Variants in PRORP observed in about 807,000 individuals in gnomAD.
The protein encoded by PRORP is mitochondrial ribonuclease P catalytic subunit.
Under a neutral mutation model 59.4 loss-of-function variants are expected in PRORP, and 51 were observed. The observed-to-expected ratio is 0.86, with a 90% CI of 0.69 to 1.08. PRORP has a LOEUF of 1.08. Among genes scored for constraint, PRORP ranks in the 50% least tolerant of loss-of-function variants. The probability of loss-of-function intolerance (pLI) is 0.00; values close to 1 mark genes in which losing one functional copy is unlikely to be tolerated. For missense variants in PRORP, 646 were observed against 690.3 expected (o/e 0.94, Z 0.72); for synonymous variants, 231 against 245.6 (o/e 0.94, Z 0.55).
chr14:35,156,681 A>G (rs1472013824), intron 4 of PRORP, among the ~76,000 whole-genome samples: 1 of 152,246 alleles, frequency 6.6e-6, no homozygotes, highest in Non-Finnish European at 1.5e-5. Flanking sequence ...TTCATGCAGT[A>G]TAAATGCTTA....
intron 4 of PRORP, among the ~76,000 whole-genome samples, chr14:35,135,997 A>G (rs970372767): frequency 2.6e-5 from 4 of 151,602 alleles, no homozygotes; most frequent in Non-Finnish European, 5.9e-5. Context: ...AAAGTATGAT[A>G]TGTATATTTT....
intron 4 of PRORP, among the ~76,000 whole-genome samples, chr14:35,164,921 C>A (rs1218430857): frequency 6.6e-6 from 1 of 151,996 alleles, no homozygotes; most frequent in Non-Finnish European, 1.5e-5. Context: ...AGTAGGATTT[C>A]CCAGCCAAAA....
intron 4 of PRORP, among the ~76,000 whole-genome samples, chr14:35,161,188 G>C (rs1051393410): frequency 2.0e-5 from 3 of 152,064 alleles, no homozygotes; most frequent in African/African-American, 4.8e-5. Flanking sequence ...TAAAACTTGT[G>C]GTATTATTAT....
Position 35,228,759 on chromosome 14 carries a change from G to A in PRORP, c.1276-37968G>A, listed in dbSNP as rs551653395. 8.5e-5 allele frequency among the ~76,000 whole-genome samples: 13 copies of A among 152,230 alleles called. No individual in the cohort carries two copies. The South Asian group carries it at 2.5e-3, about 29-fold the overall frequency. On this transcript the variant is annotated intron_variant, in intron 5 of 7. Transcript: ENST00000534898. Reference sequence around the variant, plus strand: ...TCTCTGCTATTGTGAATAATGTTGCGATGAACATATGAGTGCATGTGTCTT... The same window carrying A: ...TCTCTGCTATTGTGAATAATGTTGCAATGAACATATGAGTGCATGTGTCTT...
chr14:35,135,766 T>C (rs554625140), intron 4 of PRORP, among the ~76,000 whole-genome samples: 3 of 152,154 alleles, frequency 2.0e-5, no homozygotes, highest in Non-Finnish European at 4.4e-5. Flanking sequence ...GAGACCAGCC[T>C]GGGCAATATG....
intron 5 of PRORP, among the ~76,000 whole-genome samples, chr14:35,224,443 C>T (rs767424717): frequency 3.3e-5 from 5 of 152,112 alleles, no homozygotes; most frequent in Admixed American, 6.6e-5. Context: ...GGAACTACTA[C>T]CAGTTCCCAT....
At chr14:35,176,694 C>G (rs2048460158) in intron 4 of PRORP, among the ~76,000 whole-genome samples, 1 of 152,122 alleles carries the variant, frequency 6.6e-6, no homozygotes. Flanking sequence ...CAAACAGGGA[C>G]AATTTGACTT....
chr14:35,157,083 A>G (rs1248768710), intron 4 of PRORP, among the ~76,000 whole-genome samples: 246 of 151,274 alleles, frequency 1.6e-3, no homozygotes, highest in Non-Finnish European at 3.1e-3. Context: ...AGCCTACCAA[A>G]TAGCTGGGAC....
rs2046978196 is a variant in PRORP at position 35,123,120 on chromosome 14, AAC to A, written c.-122_-121del. 1.0e-6 allele frequency: 1 copy of A among 978,670 alleles called. No individual in the cohort carries two copies. Among genetic ancestry groups the A allele is most frequent in the Non-Finnish European group, 1.5e-6 (1 of 667,392 alleles). 60.6% of individuals were successfully genotyped at this position (978,670 alleles called of 1,614,324 possible). ...AACCTTGATTTGTCTGTAAGGAAGAAACACAAACCTTTTAAAAAGTTCCACTT... is the reference window on the plus strand; with the variant it reads ...AACCTTGATTTGTCTGTAAGGAAGAAACAAACCTTTTAAAAAGTTCCACTT... On this transcript the variant is annotated 5_prime_UTR_variant, in exon 2 of 8. Transcript: ENST00000534898.
intron 5 of PRORP, among the ~76,000 whole-genome samples, chr14:35,264,522 T>C (rs2050990623): frequency 6.6e-6 from 1 of 151,996 alleles, no homozygotes; most frequent in Admixed American, 6.6e-5. Flanking sequence ...CCTCCCACAG[T>C]GCCGAAGTTA....
At chr14:35,202,325 A>G (rs2049177072) in intron 5 of PRORP, among the ~76,000 whole-genome samples, 1 of 152,180 alleles carries the variant, frequency 6.6e-6, no homozygotes, top group Admixed American at 6.5e-5. Flanking sequence ...TCTTTGAAAG[A>G]AAAATGCTGT....
intron 4 of PRORP, among the ~76,000 whole-genome samples, chr14:35,146,791 G>A (rs1420758710): frequency 2.0e-5 from 3 of 152,088 alleles, no homozygotes; most frequent in Non-Finnish European, 2.9e-5. Context: ...TACCCAGGTC[G>A]TATAAAAGTT....
At chr14:35,161,978 C>G (rs10146115) in intron 4 of PRORP, among the ~76,000 whole-genome samples, 61,019 of 151,864 alleles carry the variant, frequency 0.4, 12,745 homozygotes, top group East Asian at 0.68. Flanking sequence ...AGTCCTTCAT[C>G]TAGTTGATAG....
At chr14:35,197,773 T>A (rs1163506293) in intron 5 of PRORP, among the ~76,000 whole-genome samples, 1 of 152,196 alleles carries the variant, frequency 6.6e-6, no homozygotes, top group East Asian at 1.9e-4. Context: ...GGTTATAATA[T>A]ATGTGATACA....
chr14:35,256,605 C>T (rs1194370107), intron 5 of PRORP, among the ~76,000 whole-genome samples: 2 of 151,980 alleles, frequency 1.3e-5, no homozygotes, highest in East Asian at 3.9e-4. Flanking sequence ...GCTGGGACTA[C>T]AGGCGTGAGC....
chr14:35,127,261 A>C lies in PRORP; in HGVS notation c.1035-218A>C, dbSNP rs570278828. 2.0e-5 allele frequency among the ~76,000 whole-genome samples: 3 copies of C among 152,146 alleles called. No individual in the cohort carries two copies. In the East Asian group the frequency reaches 5.8e-4, roughly 29 times the overall value. ...CAAGACCCTGTCTCAAAAAAAAAAA[A>C]GTCATCCAAACGGCCAATCTACTTT... On this transcript the variant is annotated intron_variant, in intron 3 of 7. Transcript: ENST00000534898.
chr14:35,236,271 A>G (rs112496597), intron 5 of PRORP, among the ~76,000 whole-genome samples: 1 of 151,930 alleles, frequency 6.6e-6, no homozygotes, highest in Non-Finnish European at 1.5e-5. Context: ...TGATCTATTT[A>G]TCTGTTTTCT....
chr14:35,135,833 C>T (rs1040220541), intron 4 of PRORP, among the ~76,000 whole-genome samples: 2 of 151,876 alleles, frequency 1.3e-5, no homozygotes, highest in African/African-American at 4.8e-5. Context: ...TGGCGTGCAC[C>T]TGTAGTCCCA....
chr14:35,271,662 G>A (rs752606067), intron 7 of PRORP, among the ~76,000 whole-genome samples: 12 of 152,176 alleles, frequency 7.9e-5, no homozygotes, highest in Non-Finnish European at 1.2e-4. Flanking sequence ...AAAGCAAAGG[G>A]AGAGAATCCA....
Sources: gnomAD v4.1 joint callset for allele counts (sites outside exome capture counted in the v4.1 genomes callset) on GRCh38, gnomAD v4.1.1 for gene constraint, MANE v1.5 for transcripts, NCBI Gene and HGNC (gene_info 2026-07-23, HGNC 2026-07-21) for gene names.